PCDH15: variants seen among roughly 807,000 people sequenced by gnomAD.
PCDH15 encodes the protein protocadherin related 15.
In PCDH15, 129 loss-of-function variants were observed where a neutral mutation model predicts 178.5. That is an observed-to-expected ratio of 0.72 (90% confidence interval 0.63 to 0.84). The LOEUF is 0.84. Ranked by LOEUF, PCDH15 falls within the 40% of genes least tolerant of loss-of-function variation. The pLI is 0.00. For missense variants in PCDH15, 2,230 were observed against 2,099.9 expected (o/e 1.06, Z -1.21); for synonymous variants, 800 against 732.0 (o/e 1.09, Z -1.50).
chr10:54,238,673 TCTCTCACACACACACACA>T (rs2054891572), intron 8 of PCDH15, among the ~76,000 whole-genome samples: 1 of 142,394 alleles, frequency 7.0e-6, no homozygotes, highest in African/African-American at 2.9e-5. Context: ...TCTCTCTCTC[TCTCTCACACACACACACA>T]CACACACACA....
intron 3 of PCDH15, among the ~76,000 whole-genome samples, chr10:54,520,285 A>T (rs1181353288): frequency 6.6e-6 from 1 of 152,166 alleles, no homozygotes; most frequent in East Asian, 1.9e-4. Flanking sequence ...CAACCTACAA[A>T]ATGGGAGAAA....
intron 27 of PCDH15, among the ~76,000 whole-genome samples, chr10:53,860,178 A>C (rs1589132152): frequency 6.6e-6 from 1 of 152,318 alleles, no homozygotes; most frequent in Middle Eastern, 3.4e-3. Flanking sequence ...AACTTTGATA[A>C]GACTTTGTTC....
intron 26 of PCDH15, among the ~76,000 whole-genome samples, chr10:53,870,119 A>G (rs2079731657): frequency 6.6e-6 from 1 of 152,188 alleles, no homozygotes; most frequent in Non-Finnish European, 1.5e-5. Flanking sequence ...TTAACTTCCA[A>G]TTTCAGTAAG....
At chr10:55,110,647 A>C (rs559316126) in intron 2 of PCDH15, among the ~76,000 whole-genome samples, 1 of 150,626 alleles carries the variant, frequency 6.6e-6, no homozygotes, top group African/African-American at 2.4e-5. Context: ...ATAACAATGA[A>C]AAAAAAAAAC....
chr10:53,913,138 C>A (rs888786219), intron 25 of PCDH15, among the ~76,000 whole-genome samples: 2 of 152,154 alleles, frequency 1.3e-5, no homozygotes, highest in African/African-American at 4.8e-5. Context: ...AATAACACCA[C>A]ACATCTACAA....
intron 26 of PCDH15, among the ~76,000 whole-genome samples, chr10:53,883,304 T>A (rs2080866124): frequency 1.3e-5 from 2 of 152,158 alleles, no homozygotes; most frequent in South Asian, 4.1e-4. Context: ...CATTAAGAAT[T>A]TTTTTGTTTT....
intron 3 of PCDH15, among the ~76,000 whole-genome samples, chr10:54,862,258 C>T (rs567891848): frequency 2.6e-4 from 40 of 152,216 alleles, no homozygotes; most frequent in African/African-American, 8.7e-4. Context: ...ACATTTGACT[C>T]ATTTACTTTT....
At chr10:54,350,532 T>G (rs1357562347) in intron 5 of PCDH15, among the ~76,000 whole-genome samples, 1 of 152,188 alleles carries the variant, frequency 6.6e-6, no homozygotes, top group African/African-American at 2.4e-5. Flanking sequence ...GAGATAGGGT[T>G]GAGGCTAATA....
chr10:55,082,656 G>C (rs7909726), intron 2 of PCDH15, among the ~76,000 whole-genome samples: 11,994 of 148,748 alleles, frequency 0.081, 584 homozygotes, highest in East Asian at 0.23. Flanking sequence ...GACAAATCTT[G>C]AATTAAACTA....
chr10:55,623,867 T>G (rs1175664918), intron 2 of PCDH15, among the ~76,000 whole-genome samples: 3 of 152,014 alleles, frequency 2.0e-5, no homozygotes, highest in African/African-American at 7.2e-5. Context: ...CCATTAGTAT[T>G]AATGTAGCTA....
intron 26 of PCDH15, among the ~76,000 whole-genome samples, chr10:53,867,489 C>T (rs2079539666): frequency 6.6e-6 from 1 of 151,998 alleles, no homozygotes; most frequent in African/African-American, 2.4e-5. Context: ...TCTATGTACC[C>T]AATAAGTAAG....
At chr10:55,518,658 A>G (rs1045023360) in intron 2 of PCDH15, among the ~76,000 whole-genome samples, 2 of 152,002 alleles carry the variant, frequency 1.3e-5, no homozygotes, top group African/African-American at 4.8e-5. Context: ...AGGGAAGCTA[A>G]AAGCAGACTC....
intron 2 of PCDH15, among the ~76,000 whole-genome samples, chr10:55,483,045 A>C (rs1038787855): frequency 2.0e-5 from 3 of 151,808 alleles, no homozygotes; most frequent in African/African-American, 7.2e-5. Flanking sequence ...TAAAAGACTT[A>C]AATGTAAAAC....
chr10:55,344,221 A>T (rs1844680967), intron 2 of PCDH15, among the ~76,000 whole-genome samples: 1 of 152,240 alleles, frequency 6.6e-6, no homozygotes, highest in Middle Eastern at 3.4e-3. Context: ...GGAAGAAATG[A>T]TAGGAGTATA....
intron 3 of PCDH15, among the ~76,000 whole-genome samples, chr10:54,475,548 C>T (rs1165788234): frequency 1.3e-5 from 2 of 152,024 alleles, no homozygotes; most frequent in Admixed American, 6.6e-5. Flanking sequence ...CATGCTGGAC[C>T]TATACAGACC....
At chr10:53,980,168 C>T (rs974441528) in intron 21 of PCDH15, among the ~76,000 whole-genome samples, 2 of 150,082 alleles carry the variant, frequency 1.3e-5, no homozygotes, top group African/African-American at 4.9e-5. Context: ...TTGCAGTGAG[C>T]TGAGATCACA....
At chr10:54,484,678 A>C (rs2078972757) in intron 3 of PCDH15, among the ~76,000 whole-genome samples, 2 of 151,902 alleles carry the variant, frequency 1.3e-5, no homozygotes. Flanking sequence ...GGTTATTTTT[A>C]ATCTTGGGAT....
intron 3 of PCDH15, among the ~76,000 whole-genome samples, chr10:54,494,303 C>G (rs1021125514): frequency 7.2e-5 from 11 of 152,082 alleles, no homozygotes; most frequent in African/African-American, 2.7e-4. Flanking sequence ...TGCAAAGAAT[C>G]ACCCTTTCCC....
intron 2 of PCDH15, among the ~76,000 whole-genome samples, chr10:55,600,905 G>T (rs1313353009): frequency 1.3e-5 from 2 of 151,280 alleles, no homozygotes; most frequent in Non-Finnish European, 2.9e-5. Context: ...ATTTATTTTT[G>T]GCTCCATCCT....
Sources: allele counts gnomAD v4.1 joint callset (sites outside exome capture counted in the v4.1 genomes callset), GRCh38; gene constraint gnomAD v4.1.1; transcripts MANE v1.5; gene names NCBI Gene and HGNC (gene_info 2026-07-23, HGNC 2026-07-21).